DCC: variants seen among roughly 807,000 people sequenced by gnomAD.
DCC encodes DCC netrin 1 receptor.
A neutral mutation model predicts 172.5 loss-of-function variants in DCC; 58 were observed. That is an observed-to-expected ratio of 0.34 (90% CI 0.27 to 0.42). The LOEUF (loss-of-function observed/expected upper bound fraction) is 0.42. Ranked by LOEUF, DCC falls within the 10% of genes least tolerant of loss-of-function variation. DCC has a pLI of 1.00. For missense variants in DCC, 1,740 were observed against 1,791.0 expected, an observed-to-expected ratio of 0.97 and a Z score of 0.51; for synonymous variants, 709 against 644.5, an observed-to-expected ratio of 1.10 and a Z score of -1.52.
intron 1 of DCC, among the ~76,000 whole-genome samples, chr18:52,712,468 T>C (rs1301280982): frequency 6.6e-6 from 1 of 152,174 alleles, no homozygotes; most frequent in Non-Finnish European, 1.5e-5. Context: ...CATAACCCTA[T>C]GAGATATATG....
chr18:52,692,762 C>T lies in DCC; in HGVS notation c.92-59292C>T, dbSNP rs533104521. ...CTCTTTTAGAGGCTGTTTTTATTTA[C>T]AACATTTCTAAATTCATGGTGGGAG... On this transcript the variant is annotated intron_variant, in intron 1 of 28. Coordinates refer to ENST00000442544, the MANE Select transcript of DCC (RefSeq NM_005215.4). 2.0e-5 allele frequency among the ~76,000 whole-genome samples: 3 copies of T among 152,172 alleles called. No homozygotes were observed. In the South Asian group the frequency reaches 6.2e-4, roughly 32 times the overall value.
At chr18:53,349,519 A>G (rs2057763817) in intron 15 of DCC, among the ~76,000 whole-genome samples, 1 of 152,212 alleles carries the variant, frequency 6.6e-6, no homozygotes, top group Non-Finnish European at 1.5e-5. Flanking sequence ...CCTGGTACCA[A>G]TTTACTATGT....
intron 1 of DCC, among the ~76,000 whole-genome samples, chr18:52,558,005 T>A (rs1329460783): frequency 6.6e-6 from 1 of 152,170 alleles, no homozygotes; most frequent in Non-Finnish European, 1.5e-5. Flanking sequence ...ATAAATAATG[T>A]TGTGAGTATA....
intron 7 of DCC, among the ~76,000 whole-genome samples, chr18:53,117,324 A>G (rs1356459558): frequency 2.0e-5 from 3 of 151,868 alleles, no homozygotes; most frequent in African/African-American, 7.2e-5. Context: ...AGCAAGTTTC[A>G]CTTGCTTCAA....
At chr18:52,482,056 C>T (rs952620675) in intron 1 of DCC, among the ~76,000 whole-genome samples, 1 of 151,924 alleles carries the variant, frequency 6.6e-6, no homozygotes, top group Non-Finnish European at 1.5e-5. Flanking sequence ...AAAGAGGAGG[C>T]TTTTGCTCAT....
rs140830349 is a variant in DCC, at chr18:53,490,265, T to G, written c.3898+3307T>G. ...AAGAAACTGGGGTTATGTAAAAATA[T>G]TGTGTTACGTCGTTCTTCTGAGGTT... is the stretch of plus-strand genomic sequence containing the variant. On this transcript the variant is annotated intron_variant, in intron 26 of 28. Transcript: ENST00000442544. Among the ~76,000 whole-genome samples, 6 of 152,250 alleles carry G rather than the reference T, an allele frequency of 3.9e-5. No individual in the cohort carries two copies. In the East Asian group the frequency reaches 7.7e-4, roughly 20 times the overall value.
chr18:52,657,031 A>C (rs1568278334), intron 1 of DCC, among the ~76,000 whole-genome samples: 1 of 152,282 alleles, frequency 6.6e-6, no homozygotes, highest in East Asian at 1.9e-4. Flanking sequence ...AAATGTGATA[A>C]CATTAGAGTT....
intron 12 of DCC, among the ~76,000 whole-genome samples, chr18:53,252,662 G>T (rs1353907487): frequency 6.6e-6 from 1 of 151,894 alleles, no homozygotes; most frequent in East Asian, 1.9e-4. Context: ...TCAGAACTAG[G>T]AGAAGGGCTG....
chr18:52,913,984 G>A (rs1744431679), intron 3 of DCC, among the ~76,000 whole-genome samples: 2 of 151,988 alleles, frequency 1.3e-5, no homozygotes. Flanking sequence ...CACCTTTATT[G>A]ATTCAACACT....
intron 1 of DCC, 115 bp downstream of exon 1, chr18:52,340,993 TGC>T: frequency 1.2e-6 from 1 of 854,654 alleles, no homozygotes; most frequent in Non-Finnish European, 2.0e-6. Flanking sequence ...ATTTGGCGCT[TGC>T]GCTGCCCCCA....
At chr18:53,117,566 C>T (rs775648235) in intron 7 of DCC, among the ~76,000 whole-genome samples, 7 of 151,722 alleles carry the variant, frequency 4.6e-5, no homozygotes, top group Non-Finnish European at 7.4e-5. Flanking sequence ...TGCTTATATG[C>T]AGACAACTAT....
chr18:52,694,259 T>C (rs1418651652), intron 1 of DCC, among the ~76,000 whole-genome samples: 2 of 152,050 alleles, frequency 1.3e-5, no homozygotes, highest in Non-Finnish European at 2.9e-5. Context: ...AAAGCAAGAC[T>C]GAGAAACCAT....
At chr18:53,119,828 A>C (rs892451866) in intron 7 of DCC, among the ~76,000 whole-genome samples, 9 of 151,790 alleles carry the variant, frequency 5.9e-5, no homozygotes, top group African/African-American at 2.2e-4. Flanking sequence ...CTCTTTACAC[A>C]TTGTGGATCA....
chr18:52,993,073 C>G (rs1300983451), intron 5 of DCC, among the ~76,000 whole-genome samples: 1 of 151,386 alleles, frequency 6.6e-6, no homozygotes, highest in Non-Finnish European at 1.5e-5. Context: ...GTCCAGTAAT[C>G]AGTCTTTTTT....
At chr18:52,353,204 T>A (rs899767036) in intron 1 of DCC, among the ~76,000 whole-genome samples, 1 of 152,182 alleles carries the variant, frequency 6.6e-6, no homozygotes, top group Admixed American at 6.5e-5. Context: ...CACGTTTCAT[T>A]TTCCTTGAGA....
chr18:52,617,169 C>T (rs894007166), intron 1 of DCC, among the ~76,000 whole-genome samples: 1 of 151,670 alleles, frequency 6.6e-6, no homozygotes, highest in East Asian at 1.9e-4. Flanking sequence ...TTAAGAGGGA[C>T]CTACACAATG....
intron 20 of DCC, among the ~76,000 whole-genome samples, chr18:53,412,839 A>C (rs927440189): frequency 6.6e-6 from 1 of 152,190 alleles, no homozygotes; most frequent in African/African-American, 2.4e-5. Flanking sequence ...CTGTTTAATT[A>C]AAAGGACATT....
intron 2 of DCC, among the ~76,000 whole-genome samples, chr18:52,861,721 C>CT (rs1344785472): frequency 1.4e-4 from 21 of 152,150 alleles, no homozygotes; most frequent in Non-Finnish European, 2.6e-4. Flanking sequence ...ACTTATTCTG[C>CT]TTGCTGTTGG....
chr18:52,731,295 C>T (rs1290092144), intron 1 of DCC, among the ~76,000 whole-genome samples: 2 of 152,210 alleles, frequency 1.3e-5, no homozygotes, highest in Non-Finnish European at 2.9e-5. Context: ...AAAGAGTTCA[C>T]TCCAAAGTAC....
Sources: gnomAD v4.1 joint callset for allele counts (sites outside exome capture counted in the v4.1 genomes callset) on GRCh38, gnomAD v4.1.1 for gene constraint, MANE v1.5 for transcripts, NCBI Gene and HGNC (gene_info 2026-07-23, HGNC 2026-07-21) for gene names.